Variants in SND1 observed in about 807,000 individuals in gnomAD.
SND1 encodes staphylococcal nuclease and tudor domain containing 1, also known as staphylococcal nuclease domain-containing protein 1.
In SND1, 38 loss-of-function variants were observed where a neutral mutation model predicts 121.7. That is an observed-to-expected ratio of 0.31 (90% CI 0.24 to 0.41). The LOEUF is 0.41. Ranked by LOEUF, SND1 falls within the 10% of genes least tolerant of loss-of-function variation. The pLI, the probability that SND1 is intolerant of heterozygous loss-of-function variation, is 1.00. For synonymous variants in SND1, 401 were observed against 447.4 expected (o/e 0.90, Z 1.31); for missense variants, 868 against 1,184.6 (o/e 0.73, Z 3.92).
At position 128,065,353 on chromosome 7, in the gene SND1, A is replaced by G. The variant is rs189923358; in HGVS notation, c.1780-9149A>G. Among the ~76,000 whole-genome samples, 16 of 152,390 alleles carry G rather than the reference A, an allele frequency of 1.0e-4. No individual in the cohort carries two copies. The East Asian group carries it at 2.9e-3, about 28-fold the overall frequency. On this transcript the variant is annotated intron_variant, in intron 16 of 23. Transcript: ENST00000354725. ...TATAGGAGCCTGAGAATCAAGGTCC[A>G]CAAAGCAGAGCGGACTGGCCCCATT...
chr7:127,695,130 C>T (rs930408465), intron 3 of SND1, among the ~76,000 whole-genome samples, 182 bp downstream of exon 3: 8 of 152,220 alleles, frequency 5.3e-5, no homozygotes, highest in African/African-American at 1.9e-4. Context: ...GAGGCATGCC[C>T]CCGGTGTTCC....
chr7:127,894,204 G>A (rs1320134974), intron 13 of SND1, among the ~76,000 whole-genome samples: 1 of 152,050 alleles, frequency 6.6e-6, no homozygotes, highest in East Asian at 1.9e-4. Flanking sequence ...AGTTCCATAT[G>A]TTTGTAGCAG....
At position 127,664,016 on chromosome 7, in the gene SND1, A is replaced by G. The variant is rs376753397; in HGVS notation, c.78+11565A>G. On this transcript the variant is annotated intron_variant, in intron 1 of 23. Transcript: ENST00000354725. The stretch of plus-strand genomic sequence containing the variant: ...GTGGTCTTCTTGGCACAGAGCTCCT[A>G]AAACTCTAGTCATTTCTTTTTTGCT... Among the ~76,000 whole-genome samples the G allele has an allele frequency of 4.6e-5, 7 of 152,312 alleles. No homozygotes were observed. The East Asian group carries it at 5.8e-4, about 13-fold the overall frequency.
At chr7:127,758,881 G>C (rs772306947) in intron 10 of SND1, among the ~76,000 whole-genome samples, 1 of 151,908 alleles carries the variant, frequency 6.6e-6, no homozygotes. Context: ...TAGGGAAACC[G>C]TATCTCTACA....
At position 128,015,110 on chromosome 7, in the gene SND1, T is replaced by C. The variant is rs2116954280; in HGVS notation, c.1779+24054T>C. Among the ~76,000 whole-genome samples, 1 of 152,344 alleles carries C rather than the reference T, an allele frequency of 6.6e-6. No homozygotes were observed. Among genetic ancestry groups the C allele is most frequent in the African/African-American group, 2.4e-5 (1 of 41,586 alleles). On this transcript the variant is annotated intron_variant, in intron 16 of 23. Transcript: ENST00000354725. This position sits in a 1 kb window ranked among gnomAD's most constrained non-coding sequence, Gnocchi z 4.5. ...GCTGCACCTCCTCCCTCGCGCCTTC[T>C]GTCTGAGCCAACCTTGATTCACAGT...
At chr7:128,046,768 T>G (rs995184393) in intron 16 of SND1, among the ~76,000 whole-genome samples, 5 of 152,236 alleles carry the variant, frequency 3.3e-5, no homozygotes, top group Non-Finnish European at 7.3e-5. Context: ...CGTGTGTCTT[T>G]ATTTGTATTA....
intron 15 of SND1, among the ~76,000 whole-genome samples, chr7:127,974,987 G>C (rs1429929009): frequency 2.0e-5 from 3 of 152,194 alleles, no homozygotes; most frequent in South Asian, 4.1e-4. Flanking sequence ...TTGGGCCAGA[G>C]AGTGTCCAGG....
intron 16 of SND1, among the ~76,000 whole-genome samples, chr7:128,055,442 C>A (rs764427044): frequency 2.6e-5 from 4 of 152,102 alleles, no homozygotes; most frequent in Admixed American, 1.3e-4. Context: ...AACCTATTGG[C>A]CTTACAGCAA....
chr7:127,948,716 C>A (rs1185593099), intron 15 of SND1, among the ~76,000 whole-genome samples: 1 of 152,190 alleles, frequency 6.6e-6, no homozygotes, highest in Non-Finnish European at 1.5e-5. Context: ...AATGGCCCTA[C>A]CAGCTTCTTT....
chr7:127,962,588 C>T (rs1584698407), intron 15 of SND1, among the ~76,000 whole-genome samples: 1 of 152,150 alleles, frequency 6.6e-6, no homozygotes, highest in East Asian at 1.9e-4. Flanking sequence ...ATGTTTCTTA[C>T]CATTTTTCTG....
chr7:127,912,959 G>C (rs958301537), intron 14 of SND1, among the ~76,000 whole-genome samples: 1 of 152,136 alleles, frequency 6.6e-6, no homozygotes, highest in Non-Finnish European at 1.5e-5. Context: ...TACCTTACTT[G>C]GTTTAACTTT....
intron 13 of SND1, among the ~76,000 whole-genome samples, chr7:127,890,460 A>G (rs959837668): frequency 3.9e-5 from 6 of 152,172 alleles, no homozygotes; most frequent in African/African-American, 1.4e-4. Context: ...GGGTTGGTCC[A>G]TGCTGGGCAT....
At chr7:127,917,534 G>C (rs536215129) in intron 14 of SND1, among the ~76,000 whole-genome samples, 128 of 152,204 alleles carry the variant, frequency 8.4e-4, no homozygotes, top group African/African-American at 2.7e-3. Flanking sequence ...GCGGGTAGCT[G>C]TGACTTCAGG....
chr7:127,684,947 G>A (rs1462336450), intron 1 of SND1, among the ~76,000 whole-genome samples: 1 of 152,010 alleles, frequency 6.6e-6, no homozygotes, highest in Non-Finnish European at 1.5e-5. Context: ...GTACAATATT[G>A]TTTGATAGAA....
chr7:127,790,351 A>G (rs1771221730), intron 10 of SND1, among the ~76,000 whole-genome samples: 1 of 152,180 alleles, frequency 6.6e-6, no homozygotes. Context: ...TTCTAGGACA[A>G]GGAGCTGAGT....
At chr7:128,071,279 A>C (rs1328275395) in intron 16 of SND1, among the ~76,000 whole-genome samples, 1 of 152,264 alleles carries the variant, frequency 6.6e-6, no homozygotes, top group Non-Finnish European at 1.5e-5. Flanking sequence ...ACACAGAACA[A>C]GGTTATTTAT....
chr7:128,040,763 G>A (rs1478104250), intron 16 of SND1, among the ~76,000 whole-genome samples: 4 of 152,184 alleles, frequency 2.6e-5, no homozygotes, highest in East Asian at 3.9e-4. Context: ...CCTCCAAGCC[G>A]TTCTAATCCC....
intron 10 of SND1, among the ~76,000 whole-genome samples, chr7:127,734,301 A>G (rs1158237068): frequency 6.6e-6 from 1 of 152,158 alleles, no homozygotes; most frequent in African/African-American, 2.4e-5. Flanking sequence ...GCTTCAGAGA[A>G]CAGAGTTCTC....
At chr7:127,829,298 G>T (rs1798698093) in intron 11 of SND1, among the ~76,000 whole-genome samples, 1 of 152,114 alleles carries the variant, frequency 6.6e-6, no homozygotes, top group Admixed American at 6.5e-5. Context: ...CAAAGGACCT[G>T]CTGTGAGGCA....
Sources: allele counts gnomAD v4.1 joint callset (sites outside exome capture counted in the v4.1 genomes callset), GRCh38; gene constraint gnomAD v4.1.1; non-coding constraint Gnocchi (gnomAD v3.1); transcripts MANE v1.5; gene names NCBI Gene and HGNC (gene_info 2026-07-23, HGNC 2026-07-21).